The following PRELID2 variants were observed in gnomAD, a reference collection of about 807,000 sequenced individuals.
PRELID2 encodes PRELI domain containing 2.
Under a neutral mutation model 28.4 loss-of-function variants are expected in PRELID2, and 25 were observed. The observed-to-expected ratio is 0.88, with a 90% CI of 0.64 to 1.23. The LOEUF is 1.23. Ranked by LOEUF, PRELID2 falls within the 50% of genes most tolerant of loss-of-function variation. The pLI, the probability that PRELID2 is intolerant of heterozygous loss-of-function variation, is 0.00. For synonymous variants in PRELID2, 76 were observed against 71.6 expected (o/e 1.06, Z -0.31); for missense variants, 201 against 214.4 (o/e 0.94, Z 0.39).
rs546135617 is a variant in PRELID2, at chr5:145,485,679, A to G, written n.71-12364T>C. Among the ~76,000 whole-genome samples, 4 of 152,078 alleles carry G rather than the reference A, an allele frequency of 2.6e-5. No individual in the cohort carries two copies. The East Asian group carries it at 5.8e-4, about 22-fold the overall frequency. ...CCACCCATCCATTCCACTCCCACCA[A>G]CGTCTGTCCCTGACCAGAGACTCCT... On this transcript the variant is annotated intron_variant and non_coding_transcript_variant, in intron 1 of 2. Coordinates refer to the PRELID2 transcript ENST00000510259.
intron 5 of PRELID2, among the ~76,000 whole-genome samples, chr5:145,785,061 T>A (rs2149800606): frequency 6.6e-6 from 1 of 152,310 alleles, no homozygotes; most frequent in South Asian, 2.1e-4. Flanking sequence ...AAAAGGCTAT[T>A]ACCTATAAAA....
chr5:145,309,149 G>A, the PRELID2 span, among the ~76,000 whole-genome samples: 2 of 152,138 alleles, frequency 1.3e-5, no homozygotes, highest in Non-Finnish European at 2.9e-5. Context: ...TGATGCCTGA[G>A]GTCTTTATCT....
At chr5:145,568,165 C>T (rs1235037639) in intron 1 of PRELID2, among the ~76,000 whole-genome samples, 1 of 152,142 alleles carries the variant, frequency 6.6e-6, no homozygotes, top group Non-Finnish European at 1.5e-5. Context: ...TTCTCCTAAA[C>T]TCGCCAATCA....
chr5:145,327,735 G>A, the PRELID2 span, among the ~76,000 whole-genome samples: 1 of 151,596 alleles, frequency 6.6e-6, no homozygotes, highest in African/African-American at 2.4e-5. Flanking sequence ...ATATTGATAT[G>A]CTTTGATGCC....
chr5:145,819,758 AG>A (rs1754628960), intron 3 of PRELID2, 186 bp downstream of exon 3: 2 of 599,502 alleles, frequency 3.3e-6, no homozygotes, highest in Non-Finnish European at 3.0e-6. Flanking sequence ...AGAGAGACAA[AG>A]TATCTCCAGT....
chr5:145,780,293 G>A (rs111785998), intron 5 of PRELID2, among the ~76,000 whole-genome samples: 4,674 of 152,342 alleles, frequency 0.031, 95 homozygotes, highest in Non-Finnish European at 0.047. Context: ...GTGAGACTCC[G>A]CCTCAAAACG....
chr5:145,526,520 G>A (rs1358000059), intron 1 of PRELID2, among the ~76,000 whole-genome samples: 1 of 152,170 alleles, frequency 6.6e-6, no homozygotes, highest in African/African-American at 2.4e-5. Context: ...CAGTATGGCA[G>A]GCTAAGATGG....
chr5:145,486,229 G>A (rs557031859), intron 1 of PRELID2, among the ~76,000 whole-genome samples: 2 of 152,236 alleles, frequency 1.3e-5, no homozygotes, highest in Non-Finnish European at 2.9e-5. Flanking sequence ...TTCCATAAAT[G>A]TCTGTCATTT....
intron 1 of PRELID2, among the ~76,000 whole-genome samples, chr5:145,828,096 A>G (rs920949969): frequency 4.6e-5 from 7 of 152,240 alleles, no homozygotes; most frequent in Non-Finnish European, 1.0e-4. Flanking sequence ...CGATGTTAGA[A>G]AACAGTGAAT....
At chr5:145,486,142 A>G (rs1324165236) in intron 1 of PRELID2, among the ~76,000 whole-genome samples, 1 of 152,202 alleles carries the variant, frequency 6.6e-6, no homozygotes, top group East Asian at 1.9e-4. Flanking sequence ...ACTTCACTAT[A>G]GGGGGATAGA....
rs575331540 is a variant in PRELID2 at position 145,500,590 on chromosome 5, A to C, written n.71-27275T>G. Among the ~76,000 whole-genome samples, 22 of 152,300 alleles carry C rather than the reference A, an allele frequency of 1.4e-4. No individual in the cohort carries two copies. The South Asian group carries it at 4.1e-3, about 29-fold the overall frequency. ...CATTCATCAGCCCACAGAACTATGGAGAGCTTTTGACCCAAGGGTCAGTTA... is the reference window on the plus strand; with the variant it reads ...CATTCATCAGCCCACAGAACTATGGCGAGCTTTTGACCCAAGGGTCAGTTA... On this transcript the variant is annotated intron_variant and non_coding_transcript_variant, in intron 1 of 2. Coordinates refer to the PRELID2 transcript ENST00000510259.
intron 1 of PRELID2, among the ~76,000 whole-genome samples, chr5:145,616,849 C>T (rs1753704964): frequency 6.6e-6 from 1 of 152,128 alleles, no homozygotes; most frequent in Admixed American, 6.5e-5. Context: ...TGGGAATTTC[C>T]TCATCCTAGT....
At chr5:145,491,862 A>G (rs1752272493) in intron 1 of PRELID2, among the ~76,000 whole-genome samples, 1 of 152,168 alleles carries the variant, frequency 6.6e-6, no homozygotes, top group African/African-American at 2.4e-5. Flanking sequence ...CCATGTTGTC[A>G]CAATGACAGG....
intron 5 of PRELID2, among the ~76,000 whole-genome samples, chr5:145,771,053 C>T (rs1758072516): frequency 6.6e-6 from 1 of 152,278 alleles, no homozygotes. Flanking sequence ...CACTTACTGA[C>T]TCGCCCACCC....
intron 1 of PRELID2, among the ~76,000 whole-genome samples, chr5:145,485,341 T>G (rs1173591291): frequency 6.6e-6 from 1 of 152,186 alleles, no homozygotes; most frequent in Non-Finnish European, 1.5e-5. Context: ...CATATGTATA[T>G]CTGACAATTT....
At chr5:145,230,541 G>T in the PRELID2 span, among the ~76,000 whole-genome samples, 3 of 151,688 alleles carry the variant, frequency 2.0e-5, no homozygotes, top group African/African-American at 7.3e-5. Context: ...ATTAAGCCAC[G>T]GCACTCCAGC....
the PRELID2 span, among the ~76,000 whole-genome samples, chr5:145,241,838 C>T: frequency 5.9e-5 from 9 of 151,918 alleles, no homozygotes; most frequent in Non-Finnish European, 1.0e-4. Flanking sequence ...CGTTTTCTTA[C>T]ATTTACTAAA....
chr5:145,656,470 C>T (rs531549076), intron 1 of PRELID2, among the ~76,000 whole-genome samples: 1 of 152,182 alleles, frequency 6.6e-6, no homozygotes, highest in Admixed American at 6.5e-5. Flanking sequence ...CATTGCGGCA[C>T]TATTCACAGT....
Position 145,789,344 on chromosome 5 carries a change from C to T in PRELID2, c.474+7098G>A, listed in dbSNP as rs917262627. Among the ~76,000 whole-genome samples, 9 of 152,172 alleles carry T rather than the reference C, an allele frequency of 5.9e-5. 1 individual carries two copies. The highest frequency in any genetic ancestry group is 9.6e-5 in the African/African-American group (4 of 41,528). The stretch of plus-strand genomic sequence containing the variant: ...AATAGAGAGACCAGAAATGAACCTG[C>T]GCATTTACAGTCAATTGATTTTCAC... On this transcript the variant is annotated intron_variant, in intron 5 of 6. Transcript: ENST00000683046.
Sources: gnomAD v4.1 joint callset for allele counts (sites outside exome capture counted in the v4.1 genomes callset) on GRCh38, gnomAD v4.1.1 for gene constraint, MANE v1.5 for transcripts, NCBI Gene and HGNC (gene_info 2026-07-23, HGNC 2026-07-21) for gene names.